The following DDX50 variants were observed in gnomAD, a reference collection of about 807,000 sequenced individuals.
The protein encoded by DDX50 is DExD-box helicase 50.
DDX50 carries 56 observed loss-of-function variants against 94.8 expected under a neutral mutation model. That is an observed-to-expected ratio of 0.59 (90% CI 0.48 to 0.74). The LOEUF (loss-of-function observed/expected upper bound fraction) is 0.74. Among genes scored for constraint, DDX50 ranks in the 30% least tolerant of loss-of-function variants. The probability of loss-of-function intolerance (pLI) is 0.00; values close to 1 mark genes in which losing one functional copy is unlikely to be tolerated. For missense variants in DDX50, 713 were observed against 881.2 expected (o/e 0.81, Z 2.42); for synonymous variants, 264 against 295.4 (o/e 0.89, Z 1.09).
chr10:68,906,680 A>G (rs765203365), intron 1 of DDX50, 31 bp from the exon 2 acceptor site: 18 of 1,592,028 alleles, frequency 1.1e-5, no homozygotes, highest in Non-Finnish European at 1.4e-5. Flanking sequence ...ACCTCTGACC[A>G]TCTTGTCATT....
chr10:68,931,426 T>TATACACACACACACAC (rs375773633), intron 8 of DDX50, among the ~76,000 whole-genome samples: 20 of 84,834 alleles, frequency 2.4e-4, no homozygotes, highest in African/African-American at 3.1e-4. Flanking sequence ...TATATATATA[T>TATACACACACACACAC]ACACAAACAC....
chr10:68,918,753 GT>G (rs1841869843), intron 7 of DDX50, among the ~76,000 whole-genome samples: 2 of 152,070 alleles, frequency 1.3e-5, no homozygotes, highest in African/African-American at 4.8e-5. Flanking sequence ...TTTATCCGCT[GT>G]CAACCACTAG....
intron 13 of DDX50, among the ~76,000 whole-genome samples, chr10:68,942,229 T>C (rs117985078): frequency 0.014 from 2,099 of 151,860 alleles, 18 homozygotes; most frequent in Non-Finnish European, 0.02. Flanking sequence ...ATAAATACTT[T>C]AATACATTTA....
chr10:68,935,941 A>T (rs1842396788), intron 10 of DDX50, 65 bp from the exon 11 acceptor site: 2 of 1,065,802 alleles, frequency 1.9e-6, no homozygotes, highest in East Asian at 5.1e-5. Flanking sequence ...AACTATTAAA[A>T]TATTAATTTA....
chr10:68,943,142 T>G, intron 13 of DDX50, 71 bp from the exon 14 acceptor site: 7 of 1,372,644 alleles, frequency 5.1e-6, no homozygotes, highest in African/African-American at 1.5e-5. Flanking sequence ...GAGTCATGCA[T>G]TATTAGTAAA....
At position 68,934,185 on chromosome 10, in the gene DDX50, CCT is replaced by C. The variant is rs775588402; in HGVS notation, c.1240-13_1240-12del. ...TGAGCTGTACACTTAATTTTCTCCC[CCT>C]TTCTCAAATAGAATGCCCAGTGTTT... On this transcript the variant is annotated splice_polypyrimidine_tract_variant and intron_variant, in intron 8 of 14. Transcript: ENST00000373585. This position sits in a 1 kb window ranked among gnomAD's most constrained non-coding sequence, Gnocchi z 4.0. 3.7e-6 allele frequency: 6 copies of C among 1,607,620 alleles called. No individual in the cohort carries two copies. Among genetic ancestry groups the C allele is most frequent in the Non-Finnish European group, 5.1e-6 (6 of 1,177,726 alleles).
chr10:68,934,830 G>A lies in DDX50; in HGVS notation c.1433G>A (p.Arg478His), dbSNP rs777929772. ...GAGTCCTATATCCATCGCTCTGGAC[G>A]CACAGGTAGAGCTGGACGGACAGGG... ...DVESYIHRSG[R>H]TGRAGRTGIC... Residue 478 changes from arginine to histidine, a missense_variant, in exon 10 of 15, where the codon CGC becomes CAC. Transcript: ENST00000373585. The surrounding 1 kb of genome is among the most constrained non-coding windows in gnomAD (Gnocchi z 4.0). 2.5e-6 allele frequency: 4 copies of A among 1,611,992 alleles called. No homozygotes were observed. Among genetic ancestry groups the A allele is most frequent in the Admixed American group, 1.7e-5 (1 of 59,840 alleles).
Position 68,927,330 on chromosome 10 carries a change from A to G in DDX50, c.1240-6869A>G, listed in dbSNP as rs12253115. 7.8e-3 allele frequency among the ~76,000 whole-genome samples: 1,194 copies of G among 152,340 alleles called. 21 individuals are homozygous for G. Among genetic ancestry groups the G allele is most frequent in the African/African-American group, 0.027 (1,113 of 41,578 alleles). ...AAATATTTTTCTTAACTTGGGTTAT[A>G]TGATAACCACACAGGTTTATTTTCT... is the stretch of plus-strand genomic sequence containing the variant. On this transcript the variant is annotated intron_variant, in intron 8 of 14. Coordinates refer to ENST00000373585, the MANE Select transcript of DDX50 (RefSeq NM_024045.2).
intron 8 of DDX50, among the ~76,000 whole-genome samples, chr10:68,921,839 A>C (rs939283965): frequency 2.7e-4 from 41 of 152,224 alleles, no homozygotes; most frequent in African/African-American, 9.9e-4. Flanking sequence ...ATCGGTATAA[A>C]AAGTGAGATG....
Position 68,934,207 on chromosome 10 carries a change from G to C in DDX50, c.1248G>C (p.Gln416His). 6.2e-7 allele frequency: 1 copy of C among 1,610,700 alleles called. No homozygotes were observed. The highest frequency in any genetic ancestry group is 8.5e-7 in the Non-Finnish European group (1 of 1,179,380). Residue 416 changes from glutamine (Q) to histidine (H), a missense_variant, in exon 9 of 15, where the codon CAG becomes CAC. Around this residue, in one of 2 missense-constraint regions of DDX50, gnomAD observed 428 missense variants for 602.3 expected, o/e 0.71. Coordinates refer to ENST00000373585, the MANE Select transcript of DDX50 (RefSeq NM_024045.2). The surrounding 1 kb of genome is among the most constrained non-coding windows in gnomAD (Gnocchi z 4.0). ...AMNPHIKQNAQCLHGDIAQSQ... is the reference protein window; with the variant it reads ...AMNPHIKQNAHCLHGDIAQSQ... ...CCCCCTTTCTCAAATAGAATGCCCA[G>C]TGTTTACATGGGGACATTGCACAGT... is the stretch of plus-strand genomic sequence containing the variant.
chr10:68,927,101 A>C (rs547120644), intron 8 of DDX50, among the ~76,000 whole-genome samples: 2 of 152,024 alleles, frequency 1.3e-5, no homozygotes, highest in African/African-American at 4.8e-5. Flanking sequence ...TTGTAGAGAC[A>C]GGGTCTCCTT....
rs748881847 is a variant in DDX50 at position 68,911,271 on chromosome 10, T to A, written c.639+25T>A. ...GGTAATCGTTATAGGGGGTAAAAGC[T>A]TTAAATGTTACTCTAACAGAAAGGG... On this transcript the variant is annotated intron_variant, in intron 4 of 14. Transcript: ENST00000373585. The A allele has an allele frequency of 3.3e-6, 5 of 1,505,564 alleles. No individual in the cohort carries two copies. In the African/African-American group the frequency reaches 7.1e-5, roughly 21 times the overall value. The allele number at this position is 1,505,564 out of a possible 1,614,324, so 93.3% of individuals were successfully genotyped here. A position where few individuals can be genotyped will look rare whatever the true frequency, so the allele number is the denominator to read the frequency against.
chr10:68,910,321 A>G lies in DDX50; in HGVS notation c.399A>G (p.Glu133=), dbSNP rs748303036. The change falls in exon 3 of 15, where the codon GAA becomes GAG. Residue 133 remains glutamate, a synonymous_variant. Transcript: ENST00000373585. ...CATTTTTACAGACCTTAACACGTGA[A>G]CAGAAAGAAGGAGCCTTCTCCAATT... The part of the protein sequence containing the change: ...DNKLEETLTR[E]QKEGAFSNFP... The G allele has an allele frequency of 6.2e-7, 1 of 1,607,318 alleles. No individual in the cohort carries two copies. The highest frequency in any genetic ancestry group is 8.5e-7 in the Non-Finnish European group (1 of 1,178,156).
chr10:68,918,428 C>CTTTTTTTTTTTT (rs34777951), intron 7 of DDX50, among the ~76,000 whole-genome samples: 2 of 57,030 alleles, frequency 3.5e-5, no homozygotes, highest in Admixed American at 2.7e-4. Context: ...CCATTCCCTC[C>CTTTTTTTTTTTT]TTTTTTTTTT....
At position 68,914,011 on chromosome 10, in the gene DDX50, C is replaced by T. The variant is rs1171254264; in HGVS notation, c.944-48C>T. The T allele has an allele frequency of 2.0e-6, 3 of 1,508,388 alleles. No homozygotes were observed. In the African/African-American group the frequency reaches 4.3e-5, roughly 22 times the overall value. 93.4% of individuals were successfully genotyped at this position (1,508,388 alleles called of 1,614,324 possible). A position where few individuals can be genotyped will look rare whatever the true frequency, so the allele number is the denominator to read the frequency against. ...TGGGAGGATTTTTAAGAGCGGGCTA[C>T]ATCGTGGGAAATTAAGAAAACATTT... On this transcript the variant is annotated intron_variant, in intron 6 of 14. Coordinates refer to ENST00000373585, the MANE Select transcript of DDX50 (RefSeq NM_024045.2).
intron 7 of DDX50, among the ~76,000 whole-genome samples, chr10:68,919,458 AT>A (rs1490290126): frequency 1.3e-5 from 2 of 151,974 alleles, no homozygotes; most frequent in Non-Finnish European, 2.9e-5. Context: ...CCACTGTTTG[AT>A]TTTTCTTCCA....
At position 68,946,730 on chromosome 10, in the gene DDX50, T is replaced by C; in HGVS notation, c.*100T>C. 7.0e-7 allele frequency: 1 copy of C among 1,424,200 alleles called. No individual in the cohort carries two copies. The highest frequency in any genetic ancestry group is 9.4e-7 in the Non-Finnish European group (1 of 1,060,652). 88.2% of individuals were successfully genotyped at this position (1,424,200 alleles called of 1,614,324 possible). On this transcript the variant is annotated 3_prime_UTR_variant, in exon 15 of 15. Transcript: ENST00000373585. Reference sequence around the variant, plus strand: ...GGTCATCATAGTTGAGGTATGTGTCTGCTATTTGCAAAGAAGTTGGTCGTA... The same window carrying C: ...GGTCATCATAGTTGAGGTATGTGTCCGCTATTTGCAAAGAAGTTGGTCGTA...
Position 68,914,143 on chromosome 10 carries a change from C to G in DDX50, c.1028C>G (p.Ser343Cys). ...AAAGTTGCAAAAAAATACATGAAAT[C>G]CAGATATGAACAGGTTGACCTTGTT... is the stretch of plus-strand genomic sequence containing the variant. The part of the protein sequence containing the change: ...VYKVAKKYMK[S>C]RYEQVDLVGK... The change falls in exon 7 of 15, where the codon TCC (serine) becomes TGC (cysteine). Residue 343 changes from serine (S) to cysteine (C), a missense_variant. Physicochemically the swap from Ser to Cys is moderately radical, Grantham distance 112. Transcript: ENST00000373585. The G allele has an allele frequency of 8.7e-6, 14 of 1,612,028 alleles. No homozygotes were observed. Among genetic ancestry groups the G allele is most frequent in the Non-Finnish European group, 1.2e-5 (14 of 1,179,376 alleles).
At position 68,943,250 on chromosome 10, in the gene DDX50, G is replaced by A. The variant is rs149378384; in HGVS notation, c.1928G>A (p.Arg643Lys). The A allele has an allele frequency of 1.6e-4, 255 of 1,605,020 alleles. No individual in the cohort carries two copies. The highest frequency in any genetic ancestry group is 4.5e-4 in the Admixed American group (26 of 58,128). Reference sequence around the variant, plus strand: ...GATGTTCCTACAACTGAGTCAGAAAGGTTACAGGTATTTTTAAAATTTTAT... The same window carrying A: ...GATGTTCCTACAACTGAGTCAGAAAAGTTACAGGTATTTTTAAAATTTTAT... ...CFDVPTTESE[R>K]LQAEWHDSDW... is the part of the protein sequence containing the mutation. Residue 643 changes from arginine to lysine, a missense_variant, in exon 14 of 15, where the codon AGG becomes AAG. Physicochemically the swap from Arg to Lys is conservative, Grantham distance 26. Coordinates refer to ENST00000373585, the MANE Select transcript of DDX50 (RefSeq NM_024045.2).
Sources: allele counts gnomAD v4.1 joint callset (sites outside exome capture counted in the v4.1 genomes callset), GRCh38; gene constraint gnomAD v4.1.1; regional missense constraint gnomAD v4.1.1; non-coding constraint Gnocchi (gnomAD v3.1); transcripts MANE v1.5; gene names NCBI Gene and HGNC (gene_info 2026-07-23, HGNC 2026-07-21).